Variants in DMXL2 observed in about 807,000 individuals in gnomAD.
DMXL2 encodes dmX-like protein 2.
A neutral mutation model predicts 331.1 loss-of-function variants in DMXL2; 103 were observed. The observed-to-expected ratio is 0.31, with a 90% confidence interval of 0.27 to 0.37. The LOEUF is 0.37. Ranked by LOEUF, DMXL2 falls within the 10% of genes least tolerant of loss-of-function variation. The pLI is 1.00. For synonymous variants in DMXL2, 1,281 were observed against 1,252.1 expected (o/e 1.02, Z -0.49); for missense variants, 3,171 against 3,642.9 (o/e 0.87, Z 3.33).
At chr15:51,562,506 C>T (rs997257354) in intron 6 of DMXL2, among the ~76,000 whole-genome samples, 6 of 151,934 alleles carry the variant, frequency 3.9e-5, no homozygotes, top group African/African-American at 7.3e-5. Context: ...AAAGAAAATC[C>T]GAAAATGGTA....
At chr15:51,549,733 T>C (rs1276966559) in intron 6 of DMXL2, among the ~76,000 whole-genome samples, 1 of 152,204 alleles carries the variant, frequency 6.6e-6, no homozygotes, top group East Asian at 1.9e-4. Context: ...TTTTTTCATA[T>C]GCTTGTCAGC....
chr15:51,573,819 G>A (rs1163383941), intron 2 of DMXL2, among the ~76,000 whole-genome samples: 2 of 152,120 alleles, frequency 1.3e-5, no homozygotes, highest in East Asian at 3.9e-4. Context: ...TTCTGCACGT[G>A]TGCCCCAGAA....
chr15:51,547,768 T>C (rs2048968193), intron 6 of DMXL2, among the ~76,000 whole-genome samples: 1 of 152,130 alleles, frequency 6.6e-6, no homozygotes, highest in African/African-American at 2.4e-5. Flanking sequence ...TCAGTCATTG[T>C]TATCCTTTCC....
intron 41 of DMXL2, among the ~76,000 whole-genome samples, chr15:51,452,468 C>T (rs2039233490): frequency 6.6e-6 from 1 of 152,058 alleles, no homozygotes; most frequent in Admixed American, 6.6e-5. Context: ...TCTCAAAATA[C>T]AAATGGCCAA....
Position 51,517,155 on chromosome 15 carries a change from C to T in DMXL2, c.2449G>A (p.Glu817Lys). Residue 817 changes from glutamate (E) to lysine (K), a missense_variant, in exon 14 of 44, where the codon GAA becomes AAA. Physicochemically the swap from Glu to Lys is moderately conservative, Grantham distance 56. This residue lies in a region of DMXL2 where 1,674 missense variants were observed against 1,780.2 expected (regional missense o/e 0.94). Coordinates refer to ENST00000560891, the MANE Select transcript of DMXL2 (RefSeq NM_001378457.1). Reference protein sequence around the residue: ...SDPESSKLIGEVFNIVSQQST... With the variant: ...SDPESSKLIGKVFNIVSQQST... The stretch of plus-strand genomic sequence containing the variant: ...TGTTGGCTCACAATATTAAACACTT[C>T]TCCAATAAGTTTCTGTAAATAAAAA... 9 of 1,613,486 alleles carry T rather than the reference C, an allele frequency of 5.6e-6. No individual in the cohort carries two copies. The highest frequency in any genetic ancestry group is 1.1e-5 in the South Asian group (1 of 91,032).
intron 13 of DMXL2, among the ~76,000 whole-genome samples, chr15:51,531,096 A>G (rs1480439770): frequency 6.6e-6 from 1 of 152,256 alleles, no homozygotes; most frequent in Non-Finnish European, 1.5e-5. Flanking sequence ...CAAAAAGAAC[A>G]AAACTGGAAA....
intron 2 of DMXL2, among the ~76,000 whole-genome samples, chr15:51,569,517 C>T (rs537118326): frequency 6.7e-4 from 102 of 152,302 alleles, no homozygotes; most frequent in African/African-American, 2.1e-3. Context: ...CCCTGACCCC[C>T]CCGTGTACCC....
chr15:51,494,844 A>G (rs1166621197), intron 19 of DMXL2, among the ~76,000 whole-genome samples, 180 bp downstream of exon 19: 1 of 152,190 alleles, frequency 6.6e-6, no homozygotes, highest in Non-Finnish European at 1.5e-5. Context: ...AAAGTCACAG[A>G]ATAGAGCTGA....
chr15:51,479,829 T>A (rs1482576347), intron 25 of DMXL2, 119 bp downstream of exon 25: 4 of 675,980 alleles, frequency 5.9e-6, no homozygotes, highest in Non-Finnish European at 8.9e-6. Flanking sequence ...CTTGAACTGA[T>A]CATGAGTGAG....
At chr15:51,603,455 T>C (rs1384360619) in intron 1 of DMXL2, among the ~76,000 whole-genome samples, 2 of 152,160 alleles carry the variant, frequency 1.3e-5, no homozygotes, top group Non-Finnish European at 2.9e-5. Context: ...ATTAAACGTA[T>C]AGTTAAAACC....
At chr15:51,516,640 T>A (rs1276432702) in intron 14 of DMXL2, among the ~76,000 whole-genome samples, 2 of 152,238 alleles carry the variant, frequency 1.3e-5, no homozygotes, top group Non-Finnish European at 1.5e-5. Flanking sequence ...ATTCCTTTTT[T>A]AAAAAATTTT....
intron 1 of DMXL2, among the ~76,000 whole-genome samples, chr15:51,614,225 A>C (rs2141423230): frequency 6.6e-6 from 1 of 152,284 alleles, no homozygotes; most frequent in African/African-American, 2.4e-5. Flanking sequence ...AGATAAACCA[A>C]ATCTGCTGAC....
At chr15:51,507,343 T>C (rs2046465763) in intron 15 of DMXL2, 90 bp from the exon 16 acceptor site, 3 of 1,251,528 alleles carry the variant, frequency 2.4e-6, no homozygotes, top group African/African-American at 1.5e-5. Context: ...CCTCTTGATA[T>C]GCATGGAAGT....
At chr15:51,519,160 C>T (rs2047201414) in intron 13 of DMXL2, among the ~76,000 whole-genome samples, 1 of 151,886 alleles carries the variant, frequency 6.6e-6, no homozygotes, top group South Asian at 2.1e-4. Flanking sequence ...TAATGGTTAA[C>T]ATTCTTCTTT....
intron 1 of DMXL2, among the ~76,000 whole-genome samples, chr15:51,578,322 C>T (rs2051182553): frequency 6.6e-6 from 1 of 152,114 alleles, no homozygotes; most frequent in African/African-American, 2.4e-5. Flanking sequence ...AATATTAGTA[C>T]ACTTTGTTTC....
chr15:51,494,002 G>C (rs2042987362), intron 19 of DMXL2, among the ~76,000 whole-genome samples: 1 of 151,982 alleles, frequency 6.6e-6, no homozygotes, highest in South Asian at 2.1e-4. Context: ...ATTTCTGAAG[G>C]GCATTTTGGT....
rs2141195655 is a variant in DMXL2 at position 51,453,641 on chromosome 15, T to C, written c.8605A>G (p.Ser2869Gly). The C allele has an allele frequency of 3.1e-6, 5 of 1,612,470 alleles. No homozygotes were observed. The highest frequency in any genetic ancestry group is 4.2e-6 in the Non-Finnish European group (5 of 1,179,408). ...QTASNPKPYM[S>G]WQCHSKATSD... ...GTGGCTTTACTGTGGCACTGCCAAC[T>C]CTACGAAAAACAAAGTGCAACTGAT... Residue 2869 changes from serine (S) to glycine (G), a missense_variant and splice_region_variant, in exon 41 of 44, where the codon AGT becomes GGT. Physicochemically the swap from Ser to Gly is moderately conservative, Grantham distance 56. Transcript: ENST00000560891.
Position 51,464,845 on chromosome 15 carries a change from A to G in DMXL2, c.7638T>C (p.Ala2546=). ...CCCAGTTCTCCAAGTTTTTAATCACAGCAATACCTAATGGTGATGTTACAG... is the reference window on the plus strand; with the variant it reads ...CCCAGTTCTCCAAGTTTTTAATCACGGCAATACCTAATGGTGATGTTACAG... ...ELPVTSPLGI[A]VIKNLENWEQ... is the part of the protein sequence containing the mutation. Residue 2546 remains alanine (A), a synonymous_variant, in exon 32 of 44, where the codon GCT becomes GCC. Transcript: ENST00000560891. 1.2e-6 allele frequency: 2 copies of G among 1,614,130 alleles called. No homozygotes were observed. The highest frequency in any genetic ancestry group is 1.7e-6 in the Non-Finnish European group (2 of 1,179,974).
chr15:51,550,928 T>TC (rs1433951560), intron 6 of DMXL2, among the ~76,000 whole-genome samples: 1 of 152,128 alleles, frequency 6.6e-6, no homozygotes, highest in Non-Finnish European at 1.5e-5. Flanking sequence ...GCCAAAGTGC[T>TC]CAATGGACCG....
Sources: allele counts gnomAD v4.1 joint callset (sites outside exome capture counted in the v4.1 genomes callset), GRCh38; gene constraint gnomAD v4.1.1; regional missense constraint gnomAD v4.1.1; transcripts MANE v1.5; gene names NCBI Gene and HGNC (gene_info 2026-07-23, HGNC 2026-07-21).